The following CYTH1 variants were observed in gnomAD, a reference collection of about 807,000 sequenced individuals.
CYTH1 encodes the protein cytohesin-1.
CYTH1 carries 18 observed loss-of-function variants against 61.8 expected under a neutral mutation model. That is an observed-to-expected ratio of 0.29 (90% confidence interval 0.20 to 0.43). The LOEUF is 0.43. Among genes scored for constraint, CYTH1 ranks in the 20% least tolerant of loss-of-function variants. The probability of loss-of-function intolerance (pLI) is 1.00; values close to 1 mark genes in which losing one functional copy is unlikely to be tolerated. For missense variants in CYTH1, 336 were observed against 510.5 expected (o/e 0.66, Z 3.29); for synonymous variants, 174 against 184.3 (o/e 0.94, Z 0.45).
chr17:78,731,482 G>A (rs1438129866), intron 1 of CYTH1, among the ~76,000 whole-genome samples: 6 of 152,096 alleles, frequency 3.9e-5, no homozygotes, highest in Middle Eastern at 3.2e-3. Flanking sequence ...AAATCTCGTC[G>A]GGCGCGGTGG....
Position 78,743,373 on chromosome 17 carries a change from C to T in CYTH1, c.23-33641G>A, listed in dbSNP as rs146402653. ...AGCCAGCAGTCTTACTTTCCAGCTT[C>T]GCTCCCGTGTCATGGCCTCTGAAGC... On this transcript the variant is annotated intron_variant, in intron 1 of 13. Transcript: ENST00000446868. 2.2e-3 allele frequency among the ~76,000 whole-genome samples: 334 copies of T among 152,286 alleles called. 2 individuals are homozygous for T. Among genetic ancestry groups the T allele is most frequent in the African/African-American group, 7.3e-3 (302 of 41,554 alleles).
intron 13 of CYTH1, chr17:78,678,621 G>C (rs1332801001): frequency 6.6e-6 from 1 of 152,132 alleles, no homozygotes; most frequent in South Asian, 2.1e-4. Flanking sequence ...CAACACTGCT[G>C]TTTTCTTCCC....
At chr17:78,701,984 C>A in intron 5 of CYTH1, 138 bp downstream of exon 5, 1 of 796,970 alleles carries the variant, frequency 1.3e-6, no homozygotes. Context: ...CCAGAAAAGC[C>A]TCCCCTCAAC....
At chr17:78,690,349 G>A (rs1208295434) in intron 11 of CYTH1, among the ~76,000 whole-genome samples, 3 of 123,286 alleles carry the variant, frequency 2.4e-5, no homozygotes, top group East Asian at 2.6e-4. Flanking sequence ...AGCCGAGATC[G>A]TGCCACTGCA....
At chr17:78,781,080 G>A (rs1598936864) in intron 1 of CYTH1, among the ~76,000 whole-genome samples, 1 of 151,438 alleles carries the variant, frequency 6.6e-6, no homozygotes, top group African/African-American at 2.4e-5. Flanking sequence ...ATGGTGGCGT[G>A]CGTATGGTTC....
At chr17:78,734,446 T>C in intron 1 of CYTH1, among the ~76,000 whole-genome samples, 1 of 144,586 alleles carries the variant, frequency 6.9e-6, no homozygotes, top group Non-Finnish European at 1.5e-5. Context: ...TTTTTTTTTT[T>C]TTTTTTTTTT....
At chr17:78,774,984 G>A (rs1356133864) in intron 1 of CYTH1, among the ~76,000 whole-genome samples, 8 of 152,198 alleles carry the variant, frequency 5.3e-5, no homozygotes, top group Admixed American at 2.6e-4. Context: ...TAGAACTGCC[G>A]CAAGGCACTG....
At chr17:78,713,552 C>T (rs1180290287) in intron 1 of CYTH1, among the ~76,000 whole-genome samples, 4 of 151,840 alleles carry the variant, frequency 2.6e-5, no homozygotes, top group Non-Finnish European at 5.9e-5. Context: ...AAATTCCTAT[C>T]TCAAGACTGC....
At chr17:78,731,973 G>A (rs886513982) in intron 1 of CYTH1, among the ~76,000 whole-genome samples, 6 of 152,128 alleles carry the variant, frequency 3.9e-5, no homozygotes, top group Non-Finnish European at 7.3e-5. Context: ...CTGCATGCAG[G>A]TTCTGTCAGC....
In CYTH1 at chr17:78,680,321, G is replaced by A. The variant is rs772351939; in HGVS notation, c.987C>T (p.Pro329=). The A allele has an allele frequency of 1.1e-5, 17 of 1,613,730 alleles. No homozygotes were observed. The highest frequency in any genetic ancestry group is 1.6e-4 in the Middle Eastern group (1 of 6,082). ...KKPNCFELYI[P]DNKDQVIKAC... is the part of the protein sequence containing the mutation. ...CCTTGATAACTTGGTCTTTATTGTC[G>A]GGGATATAAAGCTCAAAGCAGTTCT... is the stretch of plus-strand genomic sequence containing the variant. The change falls in exon 13 of 14, where the codon CCC becomes CCT. Residue 329 remains proline (P), a synonymous_variant. Transcript: ENST00000446868.
intron 11 of CYTH1, among the ~76,000 whole-genome samples, chr17:78,687,550 G>A (rs1357143219): frequency 5.9e-5 from 9 of 152,154 alleles, no homozygotes; most frequent in Non-Finnish European, 1.5e-5. Flanking sequence ...TCCAGTTCAG[G>A]TTCTTTTGTG....
intron 1 of CYTH1, among the ~76,000 whole-genome samples, chr17:78,770,509 C>G (rs540448077): frequency 5.5e-4 from 83 of 152,076 alleles, no homozygotes; most frequent in African/African-American, 2.0e-3. Flanking sequence ...ATCTCCACTT[C>G]CCGGGTTCAA....
At chr17:78,713,465 C>T (rs1297872082) in intron 1 of CYTH1, among the ~76,000 whole-genome samples, 1 of 152,188 alleles carries the variant, frequency 6.6e-6, no homozygotes, top group African/African-American at 2.4e-5. Context: ...ATCAATGTAT[C>T]TCTACCCAGC....
At chr17:78,708,780 C>T (rs2093096111) in intron 2 of CYTH1, 1 of 162,666 alleles carries the variant, frequency 6.1e-6, no homozygotes, top group Admixed American at 6.4e-5. Context: ...CACTGTTGGT[C>T]AGAATGGATG....
At chr17:78,776,017 TGG>T (rs2093489461) in intron 1 of CYTH1, among the ~76,000 whole-genome samples, 1 of 151,622 alleles carries the variant, frequency 6.6e-6, no homozygotes, top group African/African-American at 2.4e-5. Flanking sequence ...CAGCCGGGTG[TGG>T]TGGCACATGC....
rs193247348 is a variant in CYTH1, at chr17:78,760,658, A to G, written c.22+21544T>C. 3.1e-3 allele frequency among the ~76,000 whole-genome samples: 457 copies of G among 148,880 alleles called. 5 individuals carry two copies. The highest frequency in any genetic ancestry group is 0.011 in the African/African-American group (429 of 40,440). ...TATCTTAAAACCCTCTTTTCTAAAC[A>G]CTAGAAAATCAAAAATCGCATTACA... On this transcript the variant is annotated intron_variant, in intron 1 of 13. Transcript: ENST00000446868.
chr17:78,692,521 G>A (rs372380664), intron 10 of CYTH1, 28 bp from the exon 11 acceptor site: 33 of 1,609,608 alleles, frequency 2.1e-5, no homozygotes, highest in South Asian at 1.3e-4. Context: ...ATGCACGTTC[G>A]ACAAGAGACA....
intron 1 of CYTH1, among the ~76,000 whole-genome samples, chr17:78,716,257 T>G (rs544616761): frequency 3.5e-4 from 53 of 152,196 alleles, no homozygotes; most frequent in Non-Finnish European, 6.0e-4. Flanking sequence ...GTGGCTGCTT[T>G]GGGGAGTGGG....
At position 78,766,811 on chromosome 17, in the gene CYTH1, T is replaced by A. The variant is rs968485652; in HGVS notation, c.22+15391A>T. 3.9e-5 allele frequency among the ~76,000 whole-genome samples: 6 copies of A among 151,996 alleles called. 2 individuals are homozygous for A. Among genetic ancestry groups the A allele is most frequent in the Admixed American group, 6.5e-5 (1 of 15,268 alleles). Reference sequence around the variant, plus strand: ...ATAAGGTATGTAAAAGTACAAGACATAAAAATGAAGAGGGGGGTGTGAATG... The same window carrying A: ...ATAAGGTATGTAAAAGTACAAGACAAAAAAATGAAGAGGGGGGTGTGAATG... On this transcript the variant is annotated intron_variant, in intron 1 of 13. Coordinates refer to ENST00000446868, the MANE Select transcript of CYTH1 (RefSeq NM_004762.6).
Sources: gnomAD v4.1 joint callset for allele counts (sites outside exome capture counted in the v4.1 genomes callset) on GRCh38, gnomAD v4.1.1 for gene constraint, MANE v1.5 for transcripts, NCBI Gene and HGNC (gene_info 2026-07-23, HGNC 2026-07-21) for gene names.